Variants in MPPED2 observed in about 807,000 individuals in gnomAD.
The protein encoded by MPPED2 is metallophosphoesterase domain containing 2, also known as metallophosphoesterase MPPED2.
In MPPED2, 5 loss-of-function variants were observed where a neutral mutation model predicts 33.0. That is an observed-to-expected ratio of 0.15 (90% CI 0.08 to 0.32). The LOEUF is 0.32. Among genes scored for constraint, MPPED2 ranks in the 10% least tolerant of loss-of-function variants. The pLI is 1.00. For synonymous variants in MPPED2, 136 were observed against 141.9 expected (o/e 0.96, Z 0.29); for missense variants, 275 against 372.1 (o/e 0.74, Z 2.15).
chr11:30,504,090 C>A (rs1406765093), intron 3 of MPPED2, among the ~76,000 whole-genome samples: 2 of 152,208 alleles, frequency 1.3e-5, no homozygotes, highest in Non-Finnish European at 2.9e-5. Context: ...TGCCAGATGC[C>A]TGTTTTAAAA....
intron 4 of MPPED2, among the ~76,000 whole-genome samples, chr11:30,433,870 C>A (rs1949198074): frequency 6.6e-6 from 1 of 152,152 alleles, no homozygotes; most frequent in Non-Finnish European, 1.5e-5. Flanking sequence ...AGTCAGGAGT[C>A]CAAAATTAGT....
chr11:30,585,512 G>A (rs1481171948), intron 1 of MPPED2, among the ~76,000 whole-genome samples: 1 of 152,072 alleles, frequency 6.6e-6, no homozygotes. Flanking sequence ...AATGCACCCA[G>A]GCCTAGGCCG....
At chr11:30,531,909 A>G (rs544063297) in intron 3 of MPPED2, among the ~76,000 whole-genome samples, 2 of 152,340 alleles carry the variant, frequency 1.3e-5, no homozygotes, top group East Asian at 3.9e-4. Context: ...TTTACCCAGG[A>G]TGTAGTTCCT....
intron 4 of MPPED2, among the ~76,000 whole-genome samples, chr11:30,479,793 A>T (rs1173790844): frequency 6.6e-6 from 1 of 152,150 alleles, no homozygotes; most frequent in African/African-American, 2.4e-5. Flanking sequence ...CATATTTTAA[A>T]AGCTATGCCT....
chr11:30,435,574 A>G (rs907195524), intron 4 of MPPED2, among the ~76,000 whole-genome samples: 1 of 152,220 alleles, frequency 6.6e-6, no homozygotes, highest in African/African-American at 2.4e-5. Flanking sequence ...GTGTTTCAAA[A>G]TCTCACAAAG....
Position 30,410,951 on chromosome 11 carries a change from C to A in MPPED2, c.*517G>T, listed in dbSNP as rs1013951471. On this transcript the variant is annotated 3_prime_UTR_variant, in exon 7 of 7. Coordinates refer to ENST00000358117, the MANE Select transcript of MPPED2 (RefSeq NM_001584.3). Reference sequence around the variant, plus strand: ...TTATAGTGAGAGTATGAAAAGAAGTCTTTTCCATGCCTACTTCTGTTGAGA... The same window carrying A: ...TTATAGTGAGAGTATGAAAAGAAGTATTTTCCATGCCTACTTCTGTTGAGA... 5 of 985,578 alleles carry A rather than the reference C, an allele frequency of 5.1e-6. No homozygotes were observed. The African/African-American group carries it at 7.0e-5, about 14-fold the overall frequency. The allele number at this position is 985,578 out of a possible 1,614,324, so 61.1% of individuals were successfully genotyped here. A position where few individuals can be genotyped will look rare whatever the true frequency, so the allele number is the denominator to read the frequency against.
rs1948083396 is a variant in MPPED2 at position 30,411,029 on chromosome 11, A to G, written c.*439T>C. 1.0e-6 allele frequency: 1 copy of G among 985,644 alleles called. No homozygotes were observed. Among genetic ancestry groups the G allele is most frequent in the Non-Finnish European group, 1.2e-6 (1 of 829,762 alleles). The allele number at this position is 985,644 out of a possible 1,614,324, so 61.1% of individuals were successfully genotyped here. On this transcript the variant is annotated 3_prime_UTR_variant, in exon 7 of 7. Coordinates refer to ENST00000358117, the MANE Select transcript of MPPED2 (RefSeq NM_001584.3). ...GCAAAAAAGAAGCATTACCAAGAAAACAACAACAACAAAACATTGAAAATT... is the reference window on the plus strand; with the variant it reads ...GCAAAAAAGAAGCATTACCAAGAAAGCAACAACAACAAAACATTGAAAATT...
In MPPED2 at chr11:30,584,377, C is replaced by A. The variant is rs1015302579; in HGVS notation, c.-122+1665G>T. The A allele has an allele frequency of 2.7e-4, 32 of 119,930 alleles. No homozygotes were observed. In the East Asian group the frequency reaches 6.4e-3, roughly 24 times the overall value. The allele number at this position is 119,930 out of a possible 1,614,324, so 7.4% of individuals were successfully genotyped here. ...ACACACACACACACACACACACACA[C>A]CACATACACTCGCCCTGCCCTTCTA... On this transcript the variant is annotated intron_variant, in intron 1 of 6. Coordinates refer to ENST00000358117, the MANE Select transcript of MPPED2 (RefSeq NM_001584.3).
At chr11:30,395,577 C>G (rs1327687529) in intron 6 of MPPED2, among the ~76,000 whole-genome samples, 14 of 152,042 alleles carry the variant, frequency 9.2e-5, no homozygotes, top group Non-Finnish European at 2.1e-4. Context: ...CTCATGAGTT[C>G]CCAAAGGATA....
At chr11:30,394,808 T>C (rs890093285) in intron 6 of MPPED2, among the ~76,000 whole-genome samples, 1 of 152,216 alleles carries the variant, frequency 6.6e-6, no homozygotes, top group African/African-American at 2.4e-5. Context: ...ATTGGTGTCA[T>C]ATGTAAGAAC....
At chr11:30,398,776 G>C (rs1259797438) in intron 6 of MPPED2, among the ~76,000 whole-genome samples, 2 of 152,110 alleles carry the variant, frequency 1.3e-5, no homozygotes, top group Admixed American at 1.3e-4. Flanking sequence ...ATATGCCAAA[G>C]TCCATCCAGT....
At chr11:30,533,527 T>A (rs1954648559) in intron 3 of MPPED2, among the ~76,000 whole-genome samples, 1 of 152,136 alleles carries the variant, frequency 6.6e-6, no homozygotes, top group East Asian at 1.9e-4. Flanking sequence ...GACTCCACTC[T>A]GCCAGGCCAC....
intron 4 of MPPED2, among the ~76,000 whole-genome samples, chr11:30,419,182 T>G (rs1948505088): frequency 6.6e-6 from 1 of 152,212 alleles, no homozygotes; most frequent in African/African-American, 2.4e-5. Context: ...ATTAACTCAT[T>G]TAAGCCTCGC....
chr11:30,572,011 T>G (rs1956714489), intron 2 of MPPED2, among the ~76,000 whole-genome samples: 1 of 152,154 alleles, frequency 6.6e-6, no homozygotes. Flanking sequence ...TAAGGAGAGG[T>G]GATCTGATGG....
intron 2 of MPPED2, among the ~76,000 whole-genome samples, chr11:30,567,485 CA>C (rs1212652132): frequency 6.6e-6 from 1 of 152,120 alleles, no homozygotes; most frequent in Non-Finnish European, 1.5e-5. Context: ...CGAGAGCAAT[CA>C]GGGGGTGCTT....
intron 4 of MPPED2, among the ~76,000 whole-genome samples, chr11:30,481,056 T>G (rs932421851): frequency 1.3e-5 from 2 of 152,088 alleles, no homozygotes; most frequent in Non-Finnish European, 2.9e-5. Context: ...ATGCACAAAA[T>G]TGTATTGGGT....
chr11:30,442,260 G>A (rs560957976), intron 4 of MPPED2, among the ~76,000 whole-genome samples: 1 of 152,192 alleles, frequency 6.6e-6, no homozygotes, highest in South Asian at 2.1e-4. Flanking sequence ...TTAGAGAACA[G>A]AGAAATAGAG....
chr11:30,413,831 A>T (rs1948221242), intron 6 of MPPED2, among the ~76,000 whole-genome samples: 2 of 152,116 alleles, frequency 1.3e-5, no homozygotes, highest in African/African-American at 2.4e-5. Context: ...GTAGGAGGGG[A>T]CTATAGAGGC....
intron 3 of MPPED2, among the ~76,000 whole-genome samples, chr11:30,505,208 G>A (rs1158098631): frequency 1.3e-5 from 2 of 152,148 alleles, no homozygotes; most frequent in Non-Finnish European, 2.9e-5. Context: ...TTTTATTGCT[G>A]CTCAGCAACT....
Sources: allele counts gnomAD v4.1 joint callset (sites outside exome capture counted in the v4.1 genomes callset), GRCh38; gene constraint gnomAD v4.1.1; transcripts MANE v1.5; gene names NCBI Gene and HGNC (gene_info 2026-07-23, HGNC 2026-07-21).